Variants in TRIM2 observed in about 807,000 individuals in gnomAD.
TRIM2 encodes the protein tripartite motif containing 2, also known as tripartite motif-containing protein 2.
In TRIM2, 20 loss-of-function variants were observed where a neutral mutation model predicts 75.2. The ratio of observed to expected loss-of-function variants is 0.27; its 90% CI spans 0.19 to 0.39. The LOEUF is 0.39. Among genes scored for constraint, TRIM2 ranks in the 10% least tolerant of loss-of-function variants. The probability of loss-of-function intolerance (pLI) is 1.00; values close to 1 mark genes in which losing one functional copy is unlikely to be tolerated. For missense variants in TRIM2, 660 were observed against 990.8 expected (o/e 0.67, Z 4.48); for synonymous variants, 373 against 388.3 (o/e 0.96, Z 0.46).
At chr4:153,275,809 G>A (rs922519858) in intron 2 of TRIM2, 84 bp from the exon 3 acceptor site, 20 of 1,263,452 alleles carry the variant, frequency 1.6e-5, no homozygotes, top group Non-Finnish European at 2.3e-5. Flanking sequence ...AATACCTTGT[G>A]TAGTCACTGA....
At chr4:153,221,740 GAGGA>G (rs1239942572) in intron 1 of TRIM2, among the ~76,000 whole-genome samples, 3 of 142,600 alleles carry the variant, frequency 2.1e-5, no homozygotes, top group Admixed American at 6.9e-5. Context: ...AGGAAAGAGT[GAGGA>G]AGGGAGGGAG....
intron 1 of TRIM2, among the ~76,000 whole-genome samples, chr4:153,159,563 C>T (rs1464191323): frequency 6.6e-6 from 1 of 152,080 alleles, no homozygotes; most frequent in Non-Finnish European, 1.5e-5. Context: ...GCTTCAGCCT[C>T]CCAAAGTGCT....
chr4:153,260,722 ACACAT>A (rs1560903169), intron 1 of TRIM2, among the ~76,000 whole-genome samples: 1 of 91,790 alleles, frequency 1.1e-5, no homozygotes, highest in African/African-American at 4.3e-5. Flanking sequence ...ACACACACAC[ACACAT>A]CATCATCATC....
At position 153,175,208 on chromosome 4, in the gene TRIM2, G is replaced by T. The variant is rs371813456; in HGVS notation, c.-49+21938G>T. Among the ~76,000 whole-genome samples, 18 of 152,172 alleles carry T rather than the reference G, an allele frequency of 1.2e-4. 1 individual carries two copies. The South Asian group carries it at 3.7e-3, about 32-fold the overall frequency. ...ATTATTTTTTTGTATTTTTAGTAGA[G>T]ACAGGGTTTCACCATATTGGTCAGG... On this transcript the variant is annotated intron_variant, in intron 1 of 11. Transcript: ENST00000437508.
At chr4:153,243,818 TCCC>T (rs77308682) in intron 1 of TRIM2, among the ~76,000 whole-genome samples, 1,245 of 98,710 alleles carry the variant, frequency 0.013, 24 homozygotes, top group African/African-American at 0.038. Context: ...TTTTTTTTTT[TCCC>T]CCCCCCCTTG....
At chr4:153,302,923 C>A (rs1283655176) in intron 6 of TRIM2, among the ~76,000 whole-genome samples, 1 of 152,190 alleles carries the variant, frequency 6.6e-6, no homozygotes, top group Non-Finnish European at 1.5e-5. Context: ...AAGTACTTTG[C>A]CCATTTGAAT....
intron 1 of TRIM2, among the ~76,000 whole-genome samples, chr4:153,207,867 A>C (rs1381854122): frequency 6.6e-6 from 1 of 152,256 alleles, no homozygotes; most frequent in Admixed American, 6.5e-5. Context: ...TAGATCTGAC[A>C]GAAATCTCCC....
intron 1 of TRIM2, among the ~76,000 whole-genome samples, chr4:153,245,208 ACAAGCCAAT>A (rs1560877425): frequency 6.6e-6 from 1 of 152,384 alleles, no homozygotes; most frequent in Non-Finnish European, 1.5e-5. Context: ...TATCTTCTGC[ACAAGCCAAT>A]GGTAAGTTCT....
chr4:153,313,110 T>C (rs1429544031), intron 6 of TRIM2, among the ~76,000 whole-genome samples: 1 of 152,180 alleles, frequency 6.6e-6, no homozygotes, highest in Non-Finnish European at 1.5e-5. Context: ...TCAAACCATG[T>C]TGGCACATAT....
At position 153,292,969 on chromosome 4, in the gene TRIM2, G is replaced by A. The variant is rs754383694; in HGVS notation, c.454-13G>A. On this transcript the variant is annotated splice_polypyrimidine_tract_variant and intron_variant, in intron 3 of 11. Coordinates refer to ENST00000338700, the MANE Select transcript of TRIM2 (RefSeq NM_015271.5). Reference sequence around the variant, plus strand: ...TGGCCCAGAACCAGGAACTTTTCTTGTGTCATCCACAGGTGATGGAATTTT... The same window carrying A: ...TGGCCCAGAACCAGGAACTTTTCTTATGTCATCCACAGGTGATGGAATTTT... 2.5e-6 allele frequency: 4 copies of A among 1,595,126 alleles called. No homozygotes were observed. The highest frequency in any genetic ancestry group is 3.4e-6 in the Non-Finnish European group (4 of 1,167,808).
chr4:153,271,702 T>TA (rs1756709780), intron 2 of TRIM2, among the ~76,000 whole-genome samples: 1 of 152,292 alleles, frequency 6.6e-6, no homozygotes, highest in Admixed American at 6.5e-5. Context: ...ACAAAATAAT[T>TA]AGAGTGTGAT....
intron 1 of TRIM2, among the ~76,000 whole-genome samples, chr4:153,181,648 C>T (rs932836482): frequency 7.2e-5 from 11 of 152,166 alleles, no homozygotes; most frequent in African/African-American, 2.7e-4. Flanking sequence ...TAGACACGCT[C>T]AGAGCACAGG....
chr4:153,244,362 T>TC (rs1560874442), intron 1 of TRIM2, among the ~76,000 whole-genome samples: 2 of 34,452 alleles, frequency 5.8e-5, no homozygotes, highest in Non-Finnish European at 9.2e-5. Context: ...TTCCTCTTCT[T>TC]CTTCTTCTTC....
chr4:153,283,979 C>T (rs1159400844), intron 3 of TRIM2, among the ~76,000 whole-genome samples: 6 of 148,438 alleles, frequency 4.0e-5, no homozygotes, highest in Admixed American at 1.4e-4. Flanking sequence ...AAGCAATTCT[C>T]CTGCCTCAGC....
chr4:153,164,718 T>G (rs1191888856), intron 1 of TRIM2, among the ~76,000 whole-genome samples: 1 of 152,216 alleles, frequency 6.6e-6, no homozygotes, highest in Non-Finnish European at 1.5e-5. Context: ...TTGTATTATC[T>G]GTTGACTCTC....
In TRIM2 at chr4:153,335,416, C is replaced by T. The variant is rs909551596; in HGVS notation, c.*450C>T. On this transcript the variant is annotated 3_prime_UTR_variant, in exon 12 of 12. Transcript: ENST00000338700. ...TCACAAGACCCAGGGAATCTTCTAACCTCACTTTTACAGTAGGTATTACTC... is the reference window on the plus strand; with the variant it reads ...TCACAAGACCCAGGGAATCTTCTAATCTCACTTTTACAGTAGGTATTACTC... The T allele has an allele frequency of 5.1e-6, 5 of 985,600 alleles. No individual in the cohort carries two copies. The South Asian group carries it at 1.9e-4, about 37-fold the overall frequency. The allele number at this position is 985,600 out of a possible 1,614,324, so 61.1% of individuals were successfully genotyped here.
At chr4:153,296,233 CCG>C (rs1236457268) in intron 6 of TRIM2, among the ~76,000 whole-genome samples, 197 bp downstream of exon 6, 72 of 152,348 alleles carry the variant, frequency 4.7e-4, no homozygotes, top group Middle Eastern at 3.4e-3. Flanking sequence ...TCCTTCTCCT[CCG>C]CCTCTAGTCT....
intron 1 of TRIM2, among the ~76,000 whole-genome samples, chr4:153,211,311 G>A (rs1321200370): frequency 6.6e-6 from 1 of 152,070 alleles, no homozygotes; most frequent in Non-Finnish European, 1.5e-5. Context: ...TGGGGTTACT[G>A]GGTCAGAGAA....
intron 1 of TRIM2, among the ~76,000 whole-genome samples, chr4:153,239,545 C>T (rs1462048833): frequency 1.3e-5 from 2 of 152,086 alleles, no homozygotes; most frequent in Non-Finnish European, 2.9e-5. Context: ...TGCTTCACAT[C>T]CCCTTTAGTG....
Sources: gnomAD v4.1 joint callset for allele counts (sites outside exome capture counted in the v4.1 genomes callset) on GRCh38, gnomAD v4.1.1 for gene constraint, MANE v1.5 for transcripts, NCBI Gene and HGNC (gene_info 2026-07-23, HGNC 2026-07-21) for gene names.